FAM227B: variants seen among roughly 807,000 people sequenced by gnomAD.
FAM227B encodes the protein protein FAM227B.
A neutral mutation model predicts 73.8 loss-of-function variants in FAM227B; 88 were observed. The observed-to-expected ratio is 1.19, with a 90% CI of 1.00 to 1.42. The LOEUF (loss-of-function observed/expected upper bound fraction) is 1.42, where lower values mean the gene tolerates loss of function less well. Among genes scored for constraint, FAM227B ranks in the 40% most tolerant of loss-of-function variants. The pLI is 0.00. For missense variants in FAM227B, 632 were observed against 590.9 expected (o/e 1.07, Z -0.72); for synonymous variants, 210 against 190.5 (o/e 1.10, Z -0.84).
At chr15:49,338,636 G>A (rs1378559814) in intron 13 of FAM227B, among the ~76,000 whole-genome samples, 1 of 152,076 alleles carries the variant, frequency 6.6e-6, no homozygotes, top group Non-Finnish European at 1.5e-5. Context: ...GTATCTTTGT[G>A]GTGTTCTCTG....
At chr15:49,357,412 G>A (rs1375320575) in intron 13 of FAM227B, among the ~76,000 whole-genome samples, 102 of 150,428 alleles carry the variant, frequency 6.8e-4, no homozygotes, top group Middle Eastern at 6.9e-3. Context: ...TATCACCACC[G>A]ATCCCACAGA....
At position 49,419,100 on chromosome 15, in the gene FAM227B, A is replaced by C. The variant is rs1456840031; in HGVS notation, c.1013-47701T>G. On this transcript the variant is annotated intron_variant, in intron 11 of 15. Coordinates refer to ENST00000299338, the MANE Select transcript of FAM227B (RefSeq NM_152647.3). ...TTTCTACAGTTCTGAACTCCCTCCT[A>C]CTTCCAGAATTATTTTAAAATATGG... Among the ~76,000 whole-genome samples, 9 of 152,238 alleles carry C rather than the reference A, an allele frequency of 5.9e-5. No homozygotes were observed. The East Asian group carries it at 1.7e-3, about 29-fold the overall frequency.
At chr15:49,559,412 C>T (rs907551328) in intron 9 of FAM227B, among the ~76,000 whole-genome samples, 1 of 152,016 alleles carries the variant, frequency 6.6e-6, no homozygotes, top group Admixed American at 6.5e-5. Context: ...CAACAGAGAG[C>T]ACCTCAATAA....
intron 11 of FAM227B, among the ~76,000 whole-genome samples, chr15:49,409,414 T>C (rs1230126481): frequency 6.6e-6 from 1 of 152,018 alleles, no homozygotes; most frequent in Admixed American, 6.6e-5. Flanking sequence ...TGAAAGTTAC[T>C]TAAATTCTCT....
intron 13 of FAM227B, among the ~76,000 whole-genome samples, chr15:49,337,290 CT>C (rs1210043822): frequency 6.6e-6 from 1 of 152,186 alleles, no homozygotes; most frequent in Non-Finnish European, 1.5e-5. Context: ...AGTGGCTGAA[CT>C]AATTTACGTT....
At chr15:49,392,856 T>C (rs545830653) in intron 11 of FAM227B, among the ~76,000 whole-genome samples, 3 of 152,294 alleles carry the variant, frequency 2.0e-5, no homozygotes, top group Admixed American at 1.3e-4. Flanking sequence ...CACAGATTAT[T>C]TGTAATGGAG....
chr15:49,560,864 G>T lies in FAM227B; in HGVS notation c.747+7381C>A, dbSNP rs142748971. 2.2e-4 allele frequency among the ~76,000 whole-genome samples: 33 copies of T among 152,156 alleles called. No individual in the cohort carries two copies. The East Asian group carries it at 6.2e-3, about 28-fold the overall frequency. On this transcript the variant is annotated intron_variant, in intron 9 of 15. Coordinates refer to ENST00000299338, the MANE Select transcript of FAM227B (RefSeq NM_152647.3). Reference sequence around the variant, plus strand: ...TATTACCACTATACCAGCCTTATAAGAGATCATTAAGGGAGTTCTAAATGT... The same window carrying T: ...TATTACCACTATACCAGCCTTATAATAGATCATTAAGGGAGTTCTAAATGT...
chr15:49,385,793 A>G (rs1377321284), intron 11 of FAM227B, among the ~76,000 whole-genome samples: 2 of 151,934 alleles, frequency 1.3e-5, no homozygotes, highest in African/African-American at 4.8e-5. Flanking sequence ...ACTCAAGGTA[A>G]AAGTGTGTAA....
intron 10 of FAM227B, among the ~76,000 whole-genome samples, chr15:49,519,244 T>A (rs1184160037): frequency 6.6e-6 from 1 of 152,102 alleles, no homozygotes; most frequent in Non-Finnish European, 1.5e-5. Context: ...CTTTCATGGG[T>A]TGGCATTGAG....
chr15:49,424,141 TA>T, intron 11 of FAM227B: 1 of 603,080 alleles, frequency 1.7e-6, no homozygotes, highest in Non-Finnish European at 2.9e-6. Context: ...TATCAGGAAC[TA>T]AAAGGATAAG....
At chr15:49,410,624 T>G (rs1400006519) in intron 11 of FAM227B, among the ~76,000 whole-genome samples, 1 of 152,088 alleles carries the variant, frequency 6.6e-6, no homozygotes, top group South Asian at 2.1e-4. Flanking sequence ...TTTCCAAATA[T>G]TGTTTCTTTA....
intron 13 of FAM227B, among the ~76,000 whole-genome samples, chr15:49,360,669 C>T (rs1317035167): frequency 3.3e-5 from 5 of 152,116 alleles, no homozygotes; most frequent in East Asian, 3.8e-4. Context: ...AAATCCTAGA[C>T]ATCAAAGTTT....
At chr15:49,366,572 G>C in intron 13 of FAM227B, 1 of 1,597,802 alleles carries the variant, frequency 6.3e-7, no homozygotes, top group Middle Eastern at 1.7e-4. Context: ...GTAGTCCTTG[G>C]ATGTGCCATT....
intron 3 of FAM227B, among the ~76,000 whole-genome samples, chr15:49,599,296 T>C (rs2077054177): frequency 6.6e-6 from 1 of 152,102 alleles, no homozygotes; most frequent in Non-Finnish European, 1.5e-5. Context: ...TGTCTCCTCT[T>C]TCATTTCTGA....
intron 9 of FAM227B, among the ~76,000 whole-genome samples, chr15:49,542,711 A>AATATATAT (rs56759104): frequency 5.4e-5 from 8 of 147,908 alleles, no homozygotes; most frequent in Non-Finnish European, 1.2e-4. Flanking sequence ...TTTATATATA[A>AATATATAT]ATATATATAT....
chr15:49,419,763 TTTA>T (rs796618289), intron 11 of FAM227B, among the ~76,000 whole-genome samples: 1 of 151,962 alleles, frequency 6.6e-6, no homozygotes, highest in Admixed American at 6.6e-5. Context: ...GACAGGTTTT[TTTA>T]TTATTATTAT....
chr15:49,378,375 C>G (rs1245641762), intron 11 of FAM227B, among the ~76,000 whole-genome samples: 3 of 151,714 alleles, frequency 2.0e-5, no homozygotes, highest in African/African-American at 4.8e-5. Flanking sequence ...AGCATTGAAT[C>G]TGTAGATTGC....
intron 9 of FAM227B, among the ~76,000 whole-genome samples, chr15:49,550,842 C>T (rs1021454948): frequency 9.9e-5 from 15 of 151,916 alleles, no homozygotes; most frequent in Non-Finnish European, 8.8e-5. Context: ...AGACGATGGG[C>T]GGCCAGGCAG....
chr15:49,503,380 C>T (rs943716343), intron 11 of FAM227B, among the ~76,000 whole-genome samples: 21 of 152,134 alleles, frequency 1.4e-4, no homozygotes, highest in African/African-American at 5.1e-4. Context: ...GACTTCATGT[C>T]TAAAACACCA....
Sources: gnomAD v4.1 joint callset for allele counts (sites outside exome capture counted in the v4.1 genomes callset) on GRCh38, gnomAD v4.1.1 for gene constraint, MANE v1.5 for transcripts, NCBI Gene and HGNC (gene_info 2026-07-23, HGNC 2026-07-21) for gene names.